The following DPP4 variants were observed in gnomAD, a reference collection of about 807,000 sequenced individuals.
DPP4 encodes the protein dipeptidyl peptidase 4, also known as ADCP-2.
In DPP4, 93 loss-of-function variants were observed where a neutral mutation model predicts 122.4. That is an observed-to-expected ratio of 0.76 (90% CI 0.64 to 0.90). DPP4 has a LOEUF of 0.90. DPP4 is among the 40% of genes least tolerant of loss of function. The pLI is 0.00. For synonymous variants in DPP4, 321 were observed against 302.9 expected (o/e 1.06, Z -0.62); for missense variants, 914 against 907.3 (o/e 1.01, Z -0.09).
At chr2:162,058,145 T>C (rs1288490312) in intron 2 of DPP4, among the ~76,000 whole-genome samples, 1 of 152,232 alleles carries the variant, frequency 6.6e-6, no homozygotes, top group East Asian at 1.9e-4. Flanking sequence ...ATATAAGAAC[T>C]GATTCATCTT....
intron 4 of DPP4, among the ~76,000 whole-genome samples, chr2:162,045,995 A>T (rs940133230): frequency 1.2e-4 from 18 of 152,182 alleles, no homozygotes; most frequent in Non-Finnish European, 1.5e-5. Flanking sequence ...TGTCAGACAG[A>T]GTGGAAGGTG....
chr2:162,010,329 A>G (rs1476464608), intron 20 of DPP4, among the ~76,000 whole-genome samples: 1 of 152,158 alleles, frequency 6.6e-6, no homozygotes, highest in African/African-American at 2.4e-5. Context: ...GACAAAAGGA[A>G]ATGTTTTTCT....
intron 23 of DPP4, among the ~76,000 whole-genome samples, chr2:161,999,246 CA>C (rs1701084345): frequency 6.6e-6 from 1 of 152,014 alleles, no homozygotes; most frequent in Non-Finnish European, 1.5e-5. Context: ...AGATAACATA[CA>C]AAGCCAGAAA....
rs1377171036 is a variant in DPP4, at chr2:162,057,074, T to TTAAA, written c.95-9574_95-9573insTTTA. Among the ~76,000 whole-genome samples, 654 of 152,260 alleles carry TTAAA rather than the reference T, an allele frequency of 4.3e-3. 7 individuals are homozygous for TTAAA. Among genetic ancestry groups the TTAAA allele is most frequent in the African/African-American group, 0.015 (619 of 41,550 alleles). ...CAACCAATCAACAGCACCCATTCCC[T>TTAAA]AGGTCCCTGCCTGCCAAATCATCCT... On this transcript the variant is annotated intron_variant, in intron 2 of 25. Transcript: ENST00000360534.
intron 18 of DPP4, among the ~76,000 whole-genome samples, chr2:162,016,354 A>G (rs1682925181): frequency 6.6e-6 from 1 of 152,200 alleles, no homozygotes; most frequent in South Asian, 2.1e-4. Flanking sequence ...TTATCTTCTG[A>G]GACTGAAGTT....
At chr2:162,043,369 G>A (rs1169637840) in intron 5 of DPP4, among the ~76,000 whole-genome samples, 2 of 152,154 alleles carry the variant, frequency 1.3e-5, no homozygotes, top group Admixed American at 1.3e-4. Context: ...CACTGTAGGT[G>A]GCATAGGTGT....
intron 22 of DPP4, among the ~76,000 whole-genome samples, chr2:162,006,836 C>T (rs1701294201): frequency 1.3e-5 from 2 of 152,070 alleles, no homozygotes; most frequent in South Asian, 2.1e-4. Flanking sequence ...AGAATTTTAT[C>T]TTGCCATTGT....
chr2:162,005,635 G>T (rs1426115265), intron 23 of DPP4, 110 bp downstream of exon 23: 4 of 973,040 alleles, frequency 4.1e-6, no homozygotes, highest in Non-Finnish European at 6.1e-6. Context: ...CTTTTAACAA[G>T]AATTTTGTTG....
At chr2:162,070,600 T>C (rs979509444) in intron 2 of DPP4, among the ~76,000 whole-genome samples, 1 of 152,126 alleles carries the variant, frequency 6.6e-6, no homozygotes, top group Admixed American at 6.5e-5. Flanking sequence ...CCCTACTTCC[T>C]TCCTTTTTCC....
chr2:162,038,667 T>C (rs1187071385), intron 7 of DPP4, among the ~76,000 whole-genome samples: 2 of 152,096 alleles, frequency 1.3e-5, no homozygotes, highest in African/African-American at 4.8e-5. Flanking sequence ...CTACCACTAT[T>C]TGAATGCTAA....
At chr2:162,046,535 G>T (rs1684177973) in intron 4 of DPP4, among the ~76,000 whole-genome samples, 1 of 152,164 alleles carries the variant, frequency 6.6e-6, no homozygotes, top group Admixed American at 6.5e-5. Context: ...CAGGCTACTA[G>T]AAATTAAAGT....
rs200944234 is a variant in DPP4 at position 162,008,647 on chromosome 2, G to A, written c.1902C>T (p.Tyr634=). The change falls in exon 22 of 26, where the codon TAC becomes TAT. Residue 634 remains tyrosine (Y), a synonymous_variant. Transcript: ENST00000360534. ...IAIWGWSYGG[Y]VTSMVLGSGS... is the part of the protein sequence containing the mutation. ...CCGATCCCAGGACCATTGAGGTTACGTACCCTCCATATGACTAAGGAATGG... is the reference window on the plus strand; with the variant it reads ...CCGATCCCAGGACCATTGAGGTTACATACCCTCCATATGACTAAGGAATGG... 83 of 1,613,410 alleles carry A rather than the reference G, an allele frequency of 5.1e-5. No homozygotes were observed. Among genetic ancestry groups the A allele is most frequent in the African/African-American group, 3.1e-4 (23 of 74,844 alleles).
At chr2:162,014,070 T>C (rs1360572672) in intron 19 of DPP4, among the ~76,000 whole-genome samples, 2 of 152,162 alleles carry the variant, frequency 1.3e-5, no homozygotes, top group African/African-American at 4.8e-5. Flanking sequence ...TTAATGCCCA[T>C]CTCTTGCTTG....
chr2:162,002,461 A>T (rs114759097), intron 23 of DPP4, among the ~76,000 whole-genome samples: 107 of 152,306 alleles, frequency 7.0e-4, no homozygotes, highest in Non-Finnish European at 1.0e-3. Context: ...ATGGACTAAG[A>T]TCAAGGCCTT....
rs2106135619 is a variant in DPP4, at chr2:162,047,356, A to G, written c.193+47T>C. The G allele has an allele frequency of 3.6e-6, 4 of 1,115,854 alleles. No homozygotes were observed. In the East Asian group the frequency reaches 7.3e-5, roughly 20 times the overall value. The allele number at this position is 1,115,854 out of a possible 1,614,324, so 69.1% of individuals were successfully genotyped here. A position where few individuals can be genotyped will look rare whatever the true frequency, so the allele number is the denominator to read the frequency against. ...TAAAAGCCCACATCTCGACTTAACTAGAATGAATGTAAGCATAAAATCTGC... is the reference window on the plus strand; with the variant it reads ...TAAAAGCCCACATCTCGACTTAACTGGAATGAATGTAAGCATAAAATCTGC... On this transcript the variant is annotated intron_variant, in intron 3 of 25. Transcript: ENST00000360534.
chr2:162,033,708 T>C (rs1328455983), intron 9 of DPP4, 55 bp from the exon 10 acceptor site: 18 of 1,176,746 alleles, frequency 1.5e-5, no homozygotes, highest in Non-Finnish European at 6.1e-6. Context: ...AGTAACATCG[T>C]TGCACACATT....
At chr2:162,071,331 C>A (rs1212692784) in intron 2 of DPP4, among the ~76,000 whole-genome samples, 1 of 152,116 alleles carries the variant, frequency 6.6e-6, no homozygotes, top group Admixed American at 6.5e-5. Flanking sequence ...AAGCTTGGCC[C>A]ACAAAAGAAA....
chr2:162,046,584 C>T lies in DPP4; in HGVS notation c.285+331G>A, dbSNP rs902185572. The T allele has an allele frequency of 3.3e-5, 14 of 421,350 alleles. No individual in the cohort carries two copies. The East Asian group carries it at 4.5e-4, about 14-fold the overall frequency. The allele number at this position is 421,350 out of a possible 1,614,324, so 26.1% of individuals were successfully genotyped here. A position where few individuals can be genotyped will look rare whatever the true frequency, so the allele number is the denominator to read the frequency against. ...AAGGTTAGCGTTAAGTGTGTGTATACGAGAGTCAAGCCAGAGAGGAGGGCA... is the reference window on the plus strand; with the variant it reads ...AAGGTTAGCGTTAAGTGTGTGTATATGAGAGTCAAGCCAGAGAGGAGGGCA... On this transcript the variant is annotated intron_variant, in intron 4 of 25. Coordinates refer to ENST00000360534, the MANE Select transcript of DPP4 (RefSeq NM_001935.4).
intron 10 of DPP4, among the ~76,000 whole-genome samples, chr2:162,026,703 C>A (rs1576048399): frequency 6.6e-6 from 1 of 152,192 alleles, no homozygotes; most frequent in African/African-American, 2.4e-5. Context: ...GAAACAGAGA[C>A]ATCTCATCCA....
Sources: gnomAD v4.1 joint callset for allele counts (sites outside exome capture counted in the v4.1 genomes callset) on GRCh38, gnomAD v4.1.1 for gene constraint, MANE v1.5 for transcripts, NCBI Gene and HGNC (gene_info 2026-07-23, HGNC 2026-07-21) for gene names.